RBM26: variants seen among roughly 807,000 people sequenced by gnomAD.
RBM26 encodes RNA binding motif protein 26, also known as RNA-binding protein 26.
A neutral mutation model predicts 123.6 loss-of-function variants in RBM26; 30 were observed. The observed-to-expected ratio is 0.24, with a 90% CI of 0.18 to 0.33. The LOEUF is 0.33. Among genes scored for constraint, RBM26 ranks in the 10% least tolerant of loss-of-function variants. The probability of loss-of-function intolerance (pLI) is 1.00; values close to 1 mark genes in which losing one functional copy is unlikely to be tolerated. For synonymous variants in RBM26, 400 were observed against 404.4 expected (o/e 0.99, Z 0.13); for missense variants, 947 against 1,203.6 (o/e 0.79, Z 3.15).
intron 20 of RBM26, among the ~76,000 whole-genome samples, chr13:79,325,891 TA>T (rs1259723521): frequency 2.0e-5 from 3 of 152,204 alleles, no homozygotes; most frequent in Admixed American, 2.0e-4. Flanking sequence ...TTTTATCTTT[TA>T]TACCCTATTT....
At chr13:79,380,026 A>G (rs1326188549) in intron 1 of RBM26, among the ~76,000 whole-genome samples, 1 of 152,140 alleles carries the variant, frequency 6.6e-6, no homozygotes, top group Non-Finnish European at 1.5e-5. Flanking sequence ...TCTAAACATG[A>G]GCTGGTGTGA....
chr13:79,365,970 C>G, intron 8 of RBM26, 85 bp downstream of exon 8: 1 of 1,342,048 alleles, frequency 7.5e-7, no homozygotes, highest in South Asian at 1.3e-5. Context: ...AAGTAGTCCT[C>G]ACAGAGCAAT....
Position 79,370,944 on chromosome 13 carries a change from C to A in RBM26, c.634+1G>T. On this transcript the variant is annotated splice_donor_variant, in intron 5 of 21. Transcript: ENST00000438737. LOFTEE classifies it high-confidence loss of function. ...AAAGATAACCAAAATATATTATTTA[C>A]CCCTGCTTCGTGTTCTGCTTCTGCT... The A allele has an allele frequency of 6.3e-7, 1 of 1,596,546 alleles. No homozygotes were observed. Among genetic ancestry groups the A allele is most frequent in the Non-Finnish European group, 8.6e-7 (1 of 1,164,278 alleles).
intron 19 of RBM26, among the ~76,000 whole-genome samples, chr13:79,334,801 G>C (rs111313596): frequency 3.3e-5 from 5 of 152,164 alleles, no homozygotes; most frequent in African/African-American, 1.2e-4. Context: ...TGAATCCTCA[G>C]AATTTGTGAG....
rs1179534021 is a variant in RBM26 at position 79,368,890 on chromosome 13, G to C, written c.735C>G (p.His245Gln). The part of the protein sequence containing the change: ...VSSVPSISSG[H>Q]YPVPTLSSTI... ...TGCTGCTCAAAGTAGGTACAGGGTA[G>C]TGGCCAGATGAAATACTAGGTACCG... The change falls in exon 6 of 22, where the codon CAC becomes CAG. Residue 245 changes from histidine to glutamine, a missense_variant. His to Gln is a conservative substitution (Grantham distance 24). Around this residue, in one of 5 missense-constraint regions of RBM26, gnomAD observed 275 missense variants for 361.0 expected, o/e 0.76. Transcript: ENST00000438737. 6.2e-7 allele frequency: 1 copy of C among 1,613,284 alleles called. No homozygotes were observed. Among genetic ancestry groups the C allele is most frequent in the Non-Finnish European group, 8.5e-7 (1 of 1,179,382 alleles).
chr13:79,378,083 C>T (rs2076793946), intron 2 of RBM26, among the ~76,000 whole-genome samples: 2 of 152,344 alleles, frequency 1.3e-5, no homozygotes, highest in African/African-American at 2.4e-5. Context: ...TCACCTCCAG[C>T]CATGACTAAG....
intron 2 of RBM26, among the ~76,000 whole-genome samples, chr13:79,378,085 A>G (rs1268787301): frequency 6.6e-6 from 1 of 152,218 alleles, no homozygotes; most frequent in East Asian, 1.9e-4. Context: ...ACCTCCAGCC[A>G]TGACTAAGTC....
At chr13:79,365,327 C>A (rs1227528529) in intron 9 of RBM26, among the ~76,000 whole-genome samples, 1 of 152,054 alleles carries the variant, frequency 6.6e-6, no homozygotes, top group Non-Finnish European at 1.5e-5. Context: ...CACTTGTGAT[C>A]CCAGTTACTC....
At chr13:79,335,978 G>T (rs770003673) in intron 19 of RBM26, among the ~76,000 whole-genome samples, 6 of 151,870 alleles carry the variant, frequency 4.0e-5, no homozygotes, top group Non-Finnish European at 8.8e-5. Context: ...AATCCACCAA[G>T]AACAGGACTT....
chr13:79,321,046 C>T (rs889692008), intron 21 of RBM26, among the ~76,000 whole-genome samples: 1 of 151,320 alleles, frequency 6.6e-6, no homozygotes, highest in African/African-American at 2.4e-5. Flanking sequence ...AGTAAGTTTT[C>T]TCTAATTTAC....
At chr13:79,358,936 G>A (rs2074343021) in intron 10 of RBM26, among the ~76,000 whole-genome samples, 1 of 152,074 alleles carries the variant, frequency 6.6e-6, no homozygotes, top group South Asian at 2.1e-4. Flanking sequence ...CTTGAAGAAA[G>A]GACAAAACTG....
intron 6 of RBM26, among the ~76,000 whole-genome samples, chr13:79,367,406 CAAAAAAAAAA>C (rs776345304): frequency 3.3e-4 from 13 of 39,664 alleles, no homozygotes; most frequent in East Asian, 1.7e-3. Context: ...GACTCCATCT[CAAAAAAAAAA>C]AAAAAAAAAA....
chr13:79,320,190 G>A lies in RBM26; in HGVS notation c.*431C>T. 2.1e-6 allele frequency: 2 copies of A among 949,564 alleles called. No homozygotes were observed. Among genetic ancestry groups the A allele is most frequent in the Non-Finnish European group, 2.5e-6 (2 of 797,052 alleles). The allele number at this position is 949,564 out of a possible 1,614,324, so 58.8% of individuals were successfully genotyped here. A position where few individuals can be genotyped will look rare whatever the true frequency, so the allele number is the denominator to read the frequency against. On this transcript the variant is annotated 3_prime_UTR_variant, in exon 22 of 22. Coordinates refer to ENST00000438737, the MANE Select transcript of RBM26 (RefSeq NM_001366735.2). Reference sequence around the variant, plus strand: ...TATAATACATAACTTGGAGACTTTAGTTAGAGTACTATGTTATCTATTCAG... The same window carrying A: ...TATAATACATAACTTGGAGACTTTAATTAGAGTACTATGTTATCTATTCAG...
intron 1 of RBM26, among the ~76,000 whole-genome samples, chr13:79,380,939 A>G (rs1206729435): frequency 1.3e-5 from 2 of 152,108 alleles, no homozygotes; most frequent in Non-Finnish European, 2.9e-5. Context: ...TGATGTCTGA[A>G]CTATTTTCAT....
At chr13:79,392,030 TTATA>T (rs1187717036) in intron 1 of RBM26, among the ~76,000 whole-genome samples, 4 of 122,266 alleles carry the variant, frequency 3.3e-5, no homozygotes, top group African/African-American at 1.2e-4. Flanking sequence ...TATTATATAA[TTATA>T]TATTATACAA....
intron 12 of RBM26, 30 bp downstream of exon 12, chr13:79,355,190 C>G: frequency 6.2e-7 from 1 of 1,602,030 alleles, no homozygotes; most frequent in East Asian, 2.2e-5. Context: ...CTAAGAAATG[C>G]GCGTACTTTT....
intron 14 of RBM26, among the ~76,000 whole-genome samples, chr13:79,350,855 G>C (rs1327504204): frequency 6.6e-6 from 1 of 151,942 alleles, no homozygotes; most frequent in Non-Finnish European, 1.5e-5. Context: ...CTAAGGATTA[G>C]GGGAACAGAA....
chr13:79,320,387 T>C lies in RBM26; in HGVS notation c.*234A>G, dbSNP rs1473582645. On this transcript the variant is annotated 3_prime_UTR_variant, in exon 22 of 22. Coordinates refer to ENST00000438737, the MANE Select transcript of RBM26 (RefSeq NM_001366735.2). ...CAGTAGAAGTATGTAATAAAAACAT[T>C]GCATATGTTTCTAGTGTGATGTCTT... 1 of 1,138,840 alleles carries C rather than the reference T, an allele frequency of 8.8e-7. No individual in the cohort carries two copies. The highest frequency in any genetic ancestry group is 3.9e-5 in the South Asian group (1 of 25,678). 70.5% of individuals were successfully genotyped at this position (1,138,840 alleles called of 1,614,324 possible).
chr13:79,366,527 C>T (rs1374095678), intron 7 of RBM26, 106 bp downstream of exon 7: 2 of 1,170,720 alleles, frequency 1.7e-6, no homozygotes, highest in Non-Finnish European at 2.4e-6. Flanking sequence ...TTCTATCAGG[C>T]ATTTTTGGGA....
Sources: allele counts gnomAD v4.1 joint callset (sites outside exome capture counted in the v4.1 genomes callset), GRCh38; gene constraint gnomAD v4.1.1; regional missense constraint gnomAD v4.1.1; transcripts MANE v1.5; gene names NCBI Gene and HGNC (gene_info 2026-07-23, HGNC 2026-07-21).